KIR3DL2: variants seen among roughly 807,000 people sequenced by gnomAD.
KIR3DL2 encodes the protein killer cell immunoglobulin-like receptor 3DL2.
KIR3DL2 carries 42 observed loss-of-function variants against 41.6 expected under a neutral mutation model. That is an observed-to-expected ratio of 1.01 (90% CI 0.79 to 1.31). The LOEUF is 1.31. Among genes scored for constraint, KIR3DL2 ranks in the 50% most tolerant of loss-of-function variants. The probability of loss-of-function intolerance (pLI) is 0.00; values close to 1 mark genes in which losing one functional copy is unlikely to be tolerated. For synonymous variants in KIR3DL2, 230 were observed against 221.3 expected (o/e 1.04, Z -0.35); for missense variants, 728 against 576.8 (o/e 1.26, Z -2.68).
In KIR3DL2 at chr19:54,866,645, T is replaced by TA; in HGVS notation, c.1283dup (p.Tyr428Ter). 2 of 1,613,982 alleles carry TA rather than the reference T, an allele frequency of 1.2e-6. No individual in the cohort carries two copies. The change falls in exon 9 of 9, where the codon TAC becomes TAAC. Residue 428 changes from tyrosine (Y) to a stop codon, truncating the protein, a stop_gained and frameshift_variant. Coordinates refer to ENST00000326321, the MANE Select transcript of KIR3DL2 (RefSeq NM_006737.4). LOFTEE classifies it low-confidence loss of function (END_TRUNC). ...GACACCCCTAACAGATACCAGCGTG[T>TA]ACACGGAACTTCCAAATGCTGAGCC... ...PKTPLTDTSV[Y>*]TELPNAEPRS...
In KIR3DL2 at chr19:54,865,881, C is replaced by G. The variant is rs765314732; in HGVS notation, c.1077C>G (p.Leu359=). Residue 359 remains leucine (L), a synonymous_variant, in exon 7 of 9, where the codon CTC becomes CTG. Coordinates refer to ENST00000326321, the MANE Select transcript of KIR3DL2 (RefSeq NM_006737.4). ...IFLFILLLFF[L]LYRWCSNKKN... ...TCTTCATCCTCCTCCTCTTCTTTCT[C>G]CTTTATCGCTGGTGCTCCAACAAAA... is the stretch of plus-strand genomic sequence containing the variant. The G allele has an allele frequency of 6.2e-7, 1 of 1,613,498 alleles. No homozygotes were observed. Among genetic ancestry groups the G allele is most frequent in the African/African-American group, 1.3e-5 (1 of 74,912 alleles).
intron 6 of KIR3DL2, among the ~76,000 whole-genome samples, chr19:54,862,802 C>CTTTTT (rs1210198153): frequency 3.2e-3 from 252 of 79,490 alleles, no homozygotes; most frequent in East Asian, 5.6e-3. Flanking sequence ...TGGGTTACTT[C>CTTTTT]TTTTTTTTTT....
rs1056997851 is a variant in KIR3DL2 at position 54,859,422 on chromosome 19, T to C, written c.1000+293T>C. Among the ~76,000 whole-genome samples, 6 of 152,234 alleles carry C rather than the reference T, an allele frequency of 3.9e-5. No homozygotes were observed. The South Asian group carries it at 6.2e-4, about 16-fold the overall frequency. On this transcript the variant is annotated intron_variant, in intron 6 of 8. Transcript: ENST00000326321. ...TGTTTTTTCTGCCTGCATTCCTAAC[T>C]GGAGGATAAATTCCCGGGGGCTTGA...
At chr19:54,860,895 G>A (rs112960184) in intron 6 of KIR3DL2, among the ~76,000 whole-genome samples, 15,142 of 127,896 alleles carry the variant, frequency 0.12, 1,153 homozygotes, top group East Asian at 0.47. Context: ...TGGGAATGAG[G>A]TGGGGAGAAT....
At chr19:54,862,669 C>T (rs1327713802) in intron 6 of KIR3DL2, among the ~76,000 whole-genome samples, 1 of 151,900 alleles carries the variant, frequency 6.6e-6, no homozygotes, top group Non-Finnish European at 1.5e-5. Flanking sequence ...AGCTAAAGCA[C>T]TGCATGACGT....
intron 6 of KIR3DL2, among the ~76,000 whole-genome samples, chr19:54,865,466 C>G (rs2065439919): frequency 6.6e-6 from 1 of 152,100 alleles, no homozygotes. Context: ...CTAACCCCAT[C>G]ATGTGGGGCA....
chr19:54,855,949 C>T (rs1233183485), intron 5 of KIR3DL2, 37 bp downstream of exon 5: 4 of 1,607,676 alleles, frequency 2.5e-6, no homozygotes, highest in Non-Finnish European at 3.4e-6. Context: ...GTCTTATGAT[C>T]CTAGAGCCAT....
chr19:54,866,052 A>G, intron 7 of KIR3DL2, 143 bp downstream of exon 7: 1 of 806,132 alleles, frequency 1.2e-6, no homozygotes, highest in Non-Finnish European at 2.0e-6. Context: ...TAGAGAGAGC[A>G]CCAGACAACC....
At chr19:54,858,091 T>G (rs1266276584) in intron 5 of KIR3DL2, among the ~76,000 whole-genome samples, 1 of 151,696 alleles carries the variant, frequency 6.6e-6, no homozygotes, top group African/African-American at 2.4e-5. Flanking sequence ...TGCTCCTATT[T>G]TGTGGGTTGT....
intron 3 of KIR3DL2, 25 bp downstream of exon 3, chr19:54,852,307 C>T (rs1352555693): frequency 7.5e-6 from 12 of 1,598,144 alleles, no homozygotes; most frequent in Non-Finnish European, 1.0e-5. Flanking sequence ...GTCTGGGCTT[C>T]TCACTGTCCC....
chr19:54,859,595 A>G (rs1250475351), intron 6 of KIR3DL2, among the ~76,000 whole-genome samples: 1 of 151,864 alleles, frequency 6.6e-6, no homozygotes, highest in Non-Finnish European at 1.5e-5. Flanking sequence ...GAGCTCATGC[A>G]CGCACACTTC....
At chr19:54,855,978 C>T (rs1163643238) in intron 5 of KIR3DL2, 66 bp downstream of exon 5, 13 of 1,557,938 alleles carry the variant, frequency 8.3e-6, no homozygotes, top group South Asian at 6.8e-5. Context: ...AGCTTCCTGC[C>T]GATGATGGGG....
chr19:54,857,227 T>C (rs1286496219), intron 5 of KIR3DL2, among the ~76,000 whole-genome samples: 1 of 151,386 alleles, frequency 6.6e-6, no homozygotes, highest in African/African-American at 2.4e-5. Context: ...ATAGCTGTGA[T>C]TACAGGTGCA....
chr19:54,863,816 C>T (rs564210013), intron 6 of KIR3DL2, among the ~76,000 whole-genome samples: 1 of 152,084 alleles, frequency 6.6e-6, no homozygotes, highest in East Asian at 1.9e-4. Flanking sequence ...TGTCTGTTCA[C>T]TCTGATGGTA....
chr19:54,851,793 C>T (rs1439623896), intron 2 of KIR3DL2, among the ~76,000 whole-genome samples: 4 of 151,842 alleles, frequency 2.6e-5, no homozygotes, highest in Admixed American at 2.6e-4. Flanking sequence ...GTAAGAGTCA[C>T]TTATTCAGCA....
intron 6 of KIR3DL2, among the ~76,000 whole-genome samples, chr19:54,861,409 G>A (rs1321614628): frequency 6.6e-6 from 1 of 152,110 alleles, no homozygotes; most frequent in Non-Finnish European, 1.5e-5. Context: ...ACTTCAGGAG[G>A]CCAACGCGGG....
In KIR3DL2 at chr19:54,857,865, T is replaced by G. The variant is rs1426421283; in HGVS notation, c.950-1214T>G. On this transcript the variant is annotated intron_variant, in intron 5 of 8. Coordinates refer to ENST00000326321, the MANE Select transcript of KIR3DL2 (RefSeq NM_006737.4). ...TAAAAGGCATTTTAATGGGATGAGA[T>G]GAAAACTCATCGCGATTGTAATTTA... 2.6e-5 allele frequency among the ~76,000 whole-genome samples: 4 copies of G among 151,924 alleles called. No homozygotes were observed. In the South Asian group the frequency reaches 6.2e-4, roughly 24 times the overall value.
At chr19:54,850,950 G>A (rs62123364) in intron 1 of KIR3DL2, among the ~76,000 whole-genome samples, 1 of 78,622 alleles carries the variant, frequency 1.3e-5, no homozygotes, top group African/African-American at 3.6e-5. Context: ...TATGGGCCTG[G>A]AGTGGAGATA....
chr19:54,855,747 C>A lies in KIR3DL2; in HGVS notation c.784C>A (p.His262Asn), dbSNP rs1569522434. The stretch of plus-strand genomic sequence containing the variant: ...CCATCTGTCCAGGGAAGGGGAGGCC[C>A]ATGAACGTAGGCTCCGTGCAGTGCC... ...IYHLSREGEAHERRLRAVPKV... is the reference protein window; with the variant it reads ...IYHLSREGEANERRLRAVPKV... The change falls in exon 5 of 9, where the codon CAT (histidine) becomes AAT (asparagine). Residue 262 changes from histidine to asparagine, a missense_variant. Coordinates refer to ENST00000326321, the MANE Select transcript of KIR3DL2 (RefSeq NM_006737.4). The A allele has an allele frequency of 2.9e-5, 46 of 1,613,486 alleles. No individual in the cohort carries two copies. The highest frequency in any genetic ancestry group is 3.6e-5 in the Non-Finnish European group (43 of 1,179,940).
Sources: allele counts gnomAD v4.1 joint callset (sites outside exome capture counted in the v4.1 genomes callset), GRCh38; gene constraint gnomAD v4.1.1; transcripts MANE v1.5; gene names NCBI Gene and HGNC (gene_info 2026-07-23, HGNC 2026-07-21).